Variants in PDXK observed in about 807,000 individuals in gnomAD.
PDXK encodes epididymis secretory sperm binding protein Li 1a.
PDXK carries 15 observed loss-of-function variants against 43.2 expected under a neutral mutation model. That is an observed-to-expected ratio of 0.35 (90% CI 0.23 to 0.53). PDXK has a LOEUF of 0.53. PDXK is among the 20% of genes least tolerant of loss of function. The pLI, the probability that PDXK is intolerant of heterozygous loss-of-function variation, is 0.92. For missense variants in PDXK, 343 were observed against 417.0 expected (o/e 0.82, Z 1.54); for synonymous variants, 172 against 165.4 (o/e 1.04, Z -0.31).
chr21:43,720,300 G>A (rs755928130), intron 1 of PDXK, among the ~76,000 whole-genome samples: 5 of 152,206 alleles, frequency 3.3e-5, no homozygotes, highest in African/African-American at 1.2e-4. Flanking sequence ...CACTGGGGAC[G>A]GGAGCAGGTA....
chr21:43,733,954 GCC>G, intron 1 of PDXK, 113 bp from the exon 2 acceptor site: 1 of 1,019,724 alleles, frequency 9.8e-7, no homozygotes, highest in Admixed American at 1.8e-5. Context: ...GCAGCTGGGG[GCC>G]CCGTGCCAGC....
chr21:43,753,121 C>A (rs1213805323), intron 8 of PDXK, among the ~76,000 whole-genome samples: 1 of 152,192 alleles, frequency 6.6e-6, no homozygotes, highest in Non-Finnish European at 1.5e-5. Context: ...TGCACATACA[C>A]TTGGGCACAA....
intron 1 of PDXK, among the ~76,000 whole-genome samples, chr21:43,731,087 C>T (rs2083311328): frequency 6.6e-6 from 1 of 152,156 alleles, no homozygotes; most frequent in Non-Finnish European, 1.5e-5. Flanking sequence ...CCTCCAGCCT[C>T]AGCCTCCCAA....
intron 1 of PDXK, chr21:43,728,738 G>A (rs2083279675): frequency 2.0e-6 from 2 of 985,632 alleles, no homozygotes; most frequent in South Asian, 4.7e-5. Flanking sequence ...GAGGGAGGAG[G>A]ACTGCGGGCT....
At chr21:43,739,283 A>G (rs1161531970) in intron 2 of PDXK, among the ~76,000 whole-genome samples, 2 of 152,088 alleles carry the variant, frequency 1.3e-5, no homozygotes, top group Admixed American at 1.3e-4. Context: ...TGAGCCTCCC[A>G]AACTGCTGGG....
At chr21:43,746,704 C>T (rs1047141459) in intron 5 of PDXK, among the ~76,000 whole-genome samples, 1 of 152,184 alleles carries the variant, frequency 6.6e-6, no homozygotes, top group Non-Finnish European at 1.5e-5. Context: ...CAGGCATGAG[C>T]CACCACGCCC....
intron 6 of PDXK, 62 bp downstream of exon 6, chr21:43,749,142 T>C (rs2083690545): frequency 9.5e-7 from 1 of 1,051,778 alleles, no homozygotes; most frequent in Non-Finnish European, 1.4e-6. Flanking sequence ...CTCGCTCTTG[T>C]CACCCAGGCT....
At chr21:43,745,891 G>C (rs1437466748) in intron 4 of PDXK, 188 bp from the exon 5 acceptor site, 1 of 618,370 alleles carries the variant, frequency 1.6e-6, no homozygotes, top group Non-Finnish European at 3.0e-6. Context: ...CAGCCACTTG[G>C]GAGGGTGAGG....
intron 6 of PDXK, among the ~76,000 whole-genome samples, chr21:43,749,534 C>T (rs912467413): frequency 3.9e-5 from 6 of 152,276 alleles, no homozygotes; most frequent in Non-Finnish European, 7.3e-5. Context: ...TCAGGAAGGT[C>T]CTGCCATGGG....
intron 1 of PDXK, chr21:43,733,724 T>G: frequency 4.7e-6 from 5 of 1,067,402 alleles, no homozygotes; most frequent in East Asian, 5.2e-5. Context: ...CTTCGTTTTA[T>G]TGTTTGTTAG....
At position 43,755,733 on chromosome 21, in the gene PDXK, C is replaced by T. The variant is rs1052713621; in HGVS notation, c.795C>T (p.His265=). The change falls in exon 10 of 11, where the codon CAC becomes CAT. Residue 265 remains histidine, a synonymous_variant. Coordinates refer to ENST00000291565, the MANE Select transcript of PDXK (RefSeq NM_003681.5). ...AGAAGACCGTGTCTACCTTGCACCA[C>T]GTTCTGCAGAGGACCATCCAGTGTG... The part of the protein sequence containing the change: ...ACEKTVSTLH[H]VLQRTIQCAK... The T allele has an allele frequency of 6.2e-7, 1 of 1,614,080 alleles. No homozygotes were observed. The highest frequency in any genetic ancestry group is 1.1e-5 in the South Asian group (1 of 91,080).
At position 43,732,852 on chromosome 21, in the gene PDXK, T is replaced by C; in HGVS notation, c.88-1217T>C. ...AGCCTCCACCTCCTGGGCTCAGTGA[T>C]CCTCCCACCTCAGCCTCCCGAGTAG... On this transcript the variant is annotated intron_variant, in intron 1 of 10. Transcript: ENST00000291565. This position sits in a 1 kb window ranked among gnomAD's most constrained non-coding sequence, Gnocchi z 4.1. Among the ~76,000 whole-genome samples, 1 of 152,148 alleles carries C rather than the reference T, an allele frequency of 6.6e-6. No individual in the cohort carries two copies. Among genetic ancestry groups the C allele is most frequent in the East Asian group, 1.9e-4 (1 of 5,188 alleles).
At position 43,759,046 on chromosome 21, in the gene PDXK, G is replaced by C. The variant is rs2083894920; in HGVS notation, c.*2983G>C. 2 of 152,258 alleles carry C rather than the reference G, an allele frequency of 1.3e-5. No individual in the cohort carries two copies. Among genetic ancestry groups the C allele is most frequent in the Non-Finnish European group, 2.9e-5 (2 of 68,050 alleles). 9.4% of individuals were successfully genotyped at this position (152,258 alleles called of 1,614,324 possible). A position where few individuals can be genotyped will look rare whatever the true frequency, so the allele number is the denominator to read the frequency against. Reference sequence around the variant, plus strand: ...GCTGGCTTGGCTTAGCCACGCTGATGAGTAAGTGAGGGATGTCTCCATCTT... The same window carrying C: ...GCTGGCTTGGCTTAGCCACGCTGATCAGTAAGTGAGGGATGTCTCCATCTT... On this transcript the variant is annotated 3_prime_UTR_variant, in exon 11 of 11. Coordinates refer to ENST00000291565, the MANE Select transcript of PDXK (RefSeq NM_003681.5).
chr21:43,719,617 G>A (rs1291953516), intron 1 of PDXK: 1 of 985,282 alleles, frequency 1.0e-6, no homozygotes, highest in Non-Finnish European at 1.2e-6. Context: ...CGGCGTCGGG[G>A]TACGCGGGTA....
chr21:43,739,242 C>T (rs146175819), intron 2 of PDXK, among the ~76,000 whole-genome samples: 4,866 of 152,272 alleles, frequency 0.032, 101 homozygotes, highest in East Asian at 0.071. Flanking sequence ...AGGCTGGTCT[C>T]GAACTCCCGA....
chr21:43,734,964 G>C lies in PDXK; in HGVS notation c.142+841G>C, dbSNP rs2083379759. Among the ~76,000 whole-genome samples, 1 of 152,244 alleles carries C rather than the reference G, an allele frequency of 6.6e-6. No individual in the cohort carries two copies. The highest frequency in any genetic ancestry group is 2.1e-4 in the South Asian group (1 of 4,834). On this transcript the variant is annotated intron_variant, in intron 2 of 10. Transcript: ENST00000291565. The surrounding 1 kb of genome is among the most constrained non-coding windows in gnomAD (Gnocchi z 5.0). ...GTGCGATATGTTGGAGCAGGGAGGA[G>C]GGGCCTGGCCCCTACTCTTGGGAGT...
chr21:43,732,202 G>A lies in PDXK; in HGVS notation c.88-1867G>A. 7.0e-7 allele frequency: 1 copy of A among 1,436,668 alleles called. No homozygotes were observed. Among genetic ancestry groups the A allele is most frequent in the South Asian group, 1.5e-5 (1 of 66,704 alleles). The allele number at this position is 1,436,668 out of a possible 1,614,324, so 89.0% of individuals were successfully genotyped here. On this transcript the variant is annotated intron_variant, in intron 1 of 10. Coordinates refer to ENST00000291565, the MANE Select transcript of PDXK (RefSeq NM_003681.5). This position sits in a 1 kb window ranked among gnomAD's most constrained non-coding sequence, Gnocchi z 4.1. The stretch of plus-strand genomic sequence containing the variant: ...TGGGAGGGAGCCACTGCTGTACAGA[G>A]ATGCCAATTCCAGAGGCATGGTCCG...
rs1328124123 is a variant in PDXK, at chr21:43,732,320, C to G, written c.88-1749C>G. 3.1e-6 allele frequency: 5 copies of G among 1,603,738 alleles called. No individual in the cohort carries two copies. The highest frequency in any genetic ancestry group is 4.3e-6 in the Non-Finnish European group (5 of 1,173,778). Reference sequence around the variant, plus strand: ...AGGCTCCCGTCCTGGACCTTGGCACCCCGCCCCCCGTGCATTGTCGTCTTC... The same window carrying G: ...AGGCTCCCGTCCTGGACCTTGGCACGCCGCCCCCCGTGCATTGTCGTCTTC... On this transcript the variant is annotated intron_variant, in intron 1 of 10. Coordinates refer to ENST00000291565, the MANE Select transcript of PDXK (RefSeq NM_003681.5). This position sits in a 1 kb window ranked among gnomAD's most constrained non-coding sequence, Gnocchi z 4.1.
At chr21:43,746,813 G>T (rs1221252479) in intron 5 of PDXK, among the ~76,000 whole-genome samples, 2 of 152,066 alleles carry the variant, frequency 1.3e-5, no homozygotes, top group East Asian at 3.9e-4. Flanking sequence ...TTCTTTTTTT[G>T]GCTTTTTTCC....
Sources: gnomAD v4.1 joint callset for allele counts (sites outside exome capture counted in the v4.1 genomes callset) on GRCh38, gnomAD v4.1.1 for gene constraint, Gnocchi (gnomAD v3.1) non-coding constraint, MANE v1.5 for transcripts, NCBI Gene and HGNC (gene_info 2026-07-23, HGNC 2026-07-21) for gene names.